The following MAP4 variants were observed in gnomAD, a reference collection of about 807,000 sequenced individuals.
MAP4 encodes the protein microtubule-associated protein 4.
Under a neutral mutation model 170.2 loss-of-function variants are expected in MAP4, and 76 were observed. The observed-to-expected ratio is 0.45, with a 90% CI of 0.37 to 0.54. The LOEUF is 0.54. Among genes scored for constraint, MAP4 ranks in the 20% least tolerant of loss-of-function variants. The pLI, the probability that MAP4 is intolerant of heterozygous loss-of-function variation, is 0.00. For synonymous variants in MAP4, 909 were observed against 994.5 expected (o/e 0.91, Z 1.62); for missense variants, 2,506 against 2,748.0 (o/e 0.91, Z 1.97).
At chr3:48,011,657 T>C (rs1338193352) in intron 1 of MAP4, among the ~76,000 whole-genome samples, 1 of 152,148 alleles carries the variant, frequency 6.6e-6, no homozygotes, top group Non-Finnish European at 1.5e-5. Context: ...TCCAGCCTAC[T>C]TTACATATAA....
intron 1 of MAP4, among the ~76,000 whole-genome samples, chr3:48,062,911 G>C (rs2100136580): frequency 6.7e-6 from 1 of 148,806 alleles, no homozygotes; most frequent in Admixed American, 6.7e-5. Context: ...GGCAACAAGA[G>C]TGAAACTCTG....
intron 3 of MAP4, among the ~76,000 whole-genome samples, chr3:47,949,265 A>C (rs1052550490): frequency 1.3e-5 from 2 of 151,980 alleles, no homozygotes; most frequent in African/African-American, 4.8e-5. Flanking sequence ...CAGGAGTTCA[A>C]CACCAGCCTG....
intron 10 of MAP4, among the ~76,000 whole-genome samples, chr3:47,888,270 C>A (rs1038784682): frequency 1.3e-5 from 2 of 152,154 alleles, no homozygotes; most frequent in Non-Finnish European, 1.5e-5. Context: ...GCTGCCCGAG[C>A]CAGCACTGGT....
chr3:48,027,493 A>G (rs1435148742), intron 1 of MAP4, among the ~76,000 whole-genome samples: 3 of 152,176 alleles, frequency 2.0e-5, no homozygotes, highest in Non-Finnish European at 4.4e-5. Context: ...TGTTTTGAAA[A>G]ATGGCCAATA....
At position 47,875,795 on chromosome 3, in the gene MAP4, T is replaced by C. The variant is rs2095225485; in HGVS notation, c.5647A>G (p.Lys1883Glu). The C allele has an allele frequency of 5.0e-6, 8 of 1,613,940 alleles. 1 individual carries two copies. The highest frequency in any genetic ancestry group is 2.2e-5 in the South Asian group (2 of 91,062). ...CCTGAAGCAAGGCTCATGGGTTTTT[T>C]ATTCAACCCACCAATGGTGGTGGGA... ...PAPTTIGGLN[K>E]KPMSLASGLV... Residue 1883 changes from lysine to glutamate, a missense_variant, in exon 12 of 21, where the codon AAA (lysine) becomes GAA (glutamate). By Grantham distance (56) the Lys-to-Glu change is moderately conservative. Transcript: ENST00000683076.
intron 10 of MAP4, among the ~76,000 whole-genome samples, chr3:47,883,393 T>C (rs2097103904): frequency 6.6e-6 from 1 of 151,950 alleles, no homozygotes; most frequent in Non-Finnish European, 1.5e-5. Context: ...CCCGGCTAAT[T>C]TTGTATTTTT....
chr3:48,054,816 A>G (rs986016704), intron 1 of MAP4, among the ~76,000 whole-genome samples: 7 of 151,966 alleles, frequency 4.6e-5, no homozygotes, highest in Non-Finnish European at 7.4e-5. Flanking sequence ...TCCAAAAAAA[A>G]AAAAGAAAAG....
chr3:47,950,341 C>A (rs547693336), intron 3 of MAP4, among the ~76,000 whole-genome samples: 1 of 152,094 alleles, frequency 6.6e-6, no homozygotes, highest in African/African-American at 2.4e-5. Flanking sequence ...TCTCAGAGGA[C>A]GGACTTAAAA....
chr3:47,903,316 G>A (rs1005769940), intron 9 of MAP4, among the ~76,000 whole-genome samples: 9 of 152,216 alleles, frequency 5.9e-5, no homozygotes, highest in South Asian at 4.1e-4. Flanking sequence ...GGCGGATCAC[G>A]AGGTCAGGAG....
chr3:47,874,045 T>G (rs907224534), intron 12 of MAP4, among the ~76,000 whole-genome samples: 6 of 152,236 alleles, frequency 3.9e-5, no homozygotes, highest in Admixed American at 1.3e-4. Context: ...AAGCTGCAGA[T>G]GAAGAGGCCA....
chr3:47,905,948 C>T (rs574394363), intron 9 of MAP4, among the ~76,000 whole-genome samples: 84 of 152,038 alleles, frequency 5.5e-4, no homozygotes, highest in Admixed American at 1.7e-3. Flanking sequence ...GAGCCAAGAT[C>T]GTGCCATTGC....
chr3:47,892,420 T>C (rs1460063666), intron 10 of MAP4: 6 of 1,536,160 alleles, frequency 3.9e-6, no homozygotes, highest in Non-Finnish European at 5.2e-6. Context: ...TTCGGCACTC[T>C]GCAGGCTTGC....
rs2100098331 is a variant in MAP4 at position 48,000,169 on chromosome 3, T to G, written c.-19-1290A>C. On this transcript the variant is annotated intron_variant, in intron 1 of 20. Transcript: ENST00000683076. ...GATGGAGGCTACAGTGAACCGAGGT[T>G]GCGCCACTGCACTCCAGCATGGGCG... Among the ~76,000 whole-genome samples, 3 of 134,866 alleles carry G rather than the reference T, an allele frequency of 2.2e-5. No individual in the cohort carries two copies. The Admixed American group carries it at 2.5e-4, about 11-fold the overall frequency. 88.5% of individuals were successfully genotyped at this position (134,866 alleles called of 152,430 possible).
At chr3:48,075,820 C>T (rs780282639) in intron 1 of MAP4, among the ~76,000 whole-genome samples, 1 of 150,726 alleles carries the variant, frequency 6.6e-6, no homozygotes. Context: ...ACTAAAAATA[C>T]AAAAATTAGC....
intron 5 of MAP4, among the ~76,000 whole-genome samples, chr3:47,920,547 T>G (rs1430724043): frequency 7.1e-6 from 1 of 140,436 alleles, no homozygotes; most frequent in Non-Finnish European, 1.5e-5. Context: ...CCAGATGGTT[T>G]TTTTTTTTTT....
intron 1 of MAP4, among the ~76,000 whole-genome samples, chr3:48,083,713 T>G (rs1446755381): frequency 6.7e-6 from 1 of 149,990 alleles, no homozygotes; most frequent in African/African-American, 2.5e-5. Flanking sequence ...AATAAAATAT[T>G]AGTTTACAGT....
In MAP4 at chr3:47,935,844, C is replaced by A. The variant is rs112004613; in HGVS notation, c.293-7494G>T. On this transcript the variant is annotated intron_variant, in intron 3 of 20. Transcript: ENST00000683076. ...GTCCCAGCTACTCAGGAGGCTGAGA[C>A]AGGAGAATTGCTTGAACCCGGGAGG... 9.3e-3 allele frequency among the ~76,000 whole-genome samples: 1,372 copies of A among 147,248 alleles called. 24 individuals are homozygous for A. The highest frequency in any genetic ancestry group is 0.032 in the African/African-American group (1,285 of 39,660).
At chr3:47,862,500 C>T (rs1279329477) in intron 17 of MAP4, among the ~76,000 whole-genome samples, 5 of 150,510 alleles carry the variant, frequency 3.3e-5, no homozygotes, top group African/African-American at 9.8e-5. Flanking sequence ...TTTGTTGAGA[C>T]GGAGTCTCGC....
At chr3:47,932,787 A>C (rs924191277) in intron 3 of MAP4, among the ~76,000 whole-genome samples, 6 of 152,192 alleles carry the variant, frequency 3.9e-5, no homozygotes, top group Non-Finnish European at 7.3e-5. Context: ...GCGGCTGTTC[A>C]CAGGTGCAAT....
Sources: gnomAD v4.1 joint callset for allele counts (sites outside exome capture counted in the v4.1 genomes callset) on GRCh38, gnomAD v4.1.1 for gene constraint, MANE v1.5 for transcripts, NCBI Gene and HGNC (gene_info 2026-07-23, HGNC 2026-07-21) for gene names.